Variants in SLC26A2 observed in about 807,000 individuals in gnomAD.
The protein encoded by SLC26A2 is solute carrier family 26 member 2, also known as sulfate transporter.
SLC26A2 carries 36 observed loss-of-function variants against 41.1 expected under a neutral mutation model. The ratio of observed to expected loss-of-function variants is 0.88; its 90% CI spans 0.67 to 1.16. The LOEUF (loss-of-function observed/expected upper bound fraction) is 1.16, where lower values mean the gene tolerates loss of function less well. Ranked by LOEUF, SLC26A2 falls within the 50% of genes most tolerant of loss-of-function variation. The pLI is 0.00. For missense variants in SLC26A2, 796 were observed against 869.6 expected (o/e 0.92, Z 1.07); for synonymous variants, 291 against 311.6 (o/e 0.93, Z 0.70).
At chr5:149,978,860 T>C (rs974355207) in intron 2 of SLC26A2, among the ~76,000 whole-genome samples, 1 of 151,624 alleles carries the variant, frequency 6.6e-6, no homozygotes, top group African/African-American at 2.4e-5. Flanking sequence ...GCTAATTTTA[T>C]TTTATTTTAT....
At position 149,981,808 on chromosome 5, in the gene SLC26A2, G is replaced by C; in HGVS notation, c.2215G>C (p.Asp739His). Residue 739 changes from aspartate (D) to histidine (H), a missense_variant, in exon 3 of 3, where the codon GAT (aspartate) becomes CAT (histidine). By Grantham distance (81) the Asp-to-His change is moderately conservative. Coordinates refer to ENST00000286298, the MANE Select transcript of SLC26A2 (RefSeq NM_000112.4). ...CVPNGLSLSS[D>H] ...TCCCAATGGTCTGAGTCTTAGTAGT[G>C]ATTAATTGAGAAGGTAGATAGAAGA... 6.2e-7 allele frequency: 1 copy of C among 1,605,364 alleles called. No homozygotes were observed. The highest frequency in any genetic ancestry group is 8.5e-7 in the Non-Finnish European group (1 of 1,173,236).
Position 149,981,144 on chromosome 5 carries a change from T to A in SLC26A2, c.1551T>A (p.Val517=), listed in dbSNP as rs368016373. 1 of 1,614,116 alleles carries A rather than the reference T, an allele frequency of 6.2e-7. No individual in the cohort carries two copies. Among genetic ancestry groups the A allele is most frequent in the African/African-American group, 1.3e-5 (1 of 74,956 alleles). The change falls in exon 3 of 3, where the codon GTT becomes GTA. Residue 517 remains valine (V), a synonymous_variant. Transcript: ENST00000286298. ...ISRMDTVIWF[V]TMLSSALLST... ...GAATGGATACAGTTATCTGGTTTGT[T>A]ACTATGCTGTCCTCTGCACTGCTAA...
chr5:149,976,394 T>C (rs775469867), intron 1 of SLC26A2, among the ~76,000 whole-genome samples: 1 of 151,888 alleles, frequency 6.6e-6, no homozygotes, highest in Non-Finnish European at 1.5e-5. Flanking sequence ...ACACAGAGGG[T>C]GTAGTATTTC....
chr5:149,976,170 A>G (rs2113694432), intron 1 of SLC26A2, among the ~76,000 whole-genome samples: 1 of 152,208 alleles, frequency 6.6e-6, no homozygotes, highest in South Asian at 2.1e-4. Context: ...AAAAAAAAAA[A>G]AAAATGTCTC....
At chr5:149,961,152 G>T (rs190421139) in intron 1 of SLC26A2, among the ~76,000 whole-genome samples, 173 bp downstream of exon 1, 1 of 152,232 alleles carries the variant, frequency 6.6e-6, no homozygotes, top group Non-Finnish European at 1.5e-5. Flanking sequence ...GGTGGTCCGG[G>T]GCCGGGCGAG....
intron 1 of SLC26A2, among the ~76,000 whole-genome samples, chr5:149,963,738 C>CTTTTTTTTTTTTTT: frequency 1.3e-5 from 1 of 78,266 alleles, no homozygotes; most frequent in Non-Finnish European, 2.2e-5. Context: ...ATTTGTTTAA[C>CTTTTTTTTTTTTTT]TTTTTTTTTT....
In SLC26A2 at chr5:149,981,740, T is replaced by C. The variant is rs760613033; in HGVS notation, c.2147T>C (p.Met716Thr). Reference sequence around the variant, plus strand: ...CTCTTCTATAGTGTGTATGAAGCGATGGCTTTTGCAGAAGTATCTAAAAAT... The same window carrying C: ...CTCTTCTATAGTGTGTATGAAGCGACGGCTTTTGCAGAAGTATCTAAAAAT... The part of the protein sequence containing the change: ...NLLFYSVYEA[M>T]AFAEVSKNQK... Residue 716 changes from methionine (M) to threonine (T), a missense_variant, in exon 3 of 3, where the codon ATG (methionine) becomes ACG (threonine). Met to Thr is a moderately conservative substitution (Grantham distance 81). Coordinates refer to ENST00000286298, the MANE Select transcript of SLC26A2 (RefSeq NM_000112.4). 15 of 1,611,342 alleles carry C rather than the reference T, an allele frequency of 9.3e-6. No individual in the cohort carries two copies. The highest frequency in any genetic ancestry group is 1.2e-5 in the Non-Finnish European group (14 of 1,179,280).
At position 149,977,686 on chromosome 5, in the gene SLC26A2, T is replaced by G; in HGVS notation, c.34T>G (p.Ser12Ala). The change falls in exon 2 of 3, where the codon TCA (serine) becomes GCA (alanine). Residue 12 changes from serine to alanine, a missense_variant. Physicochemically the swap from Ser to Ala is moderately conservative, Grantham distance 99 (BLOSUM62 1). Coordinates refer to ENST00000286298, the MANE Select transcript of SLC26A2 (RefSeq NM_000112.4). ...SSESKEQHNVSPRDSAEGNDS... is the reference protein window; with the variant it reads ...SSESKEQHNVAPRDSAEGNDS... ...AGAAAGTAAAGAGCAACATAACGTT[T>G]CACCCAGAGACTCAGCTGAAGGAAA... 1 of 1,614,076 alleles carries G rather than the reference T, an allele frequency of 6.2e-7. No homozygotes were observed. Among genetic ancestry groups the G allele is most frequent in the Non-Finnish European group, 8.5e-7 (1 of 1,179,946 alleles).
rs570424917 is a variant in SLC26A2 at position 149,967,311 on chromosome 5, A to G, written c.-26+6332A>G. ...TTTCAAAGGTACTCTCTCTATATAT[A>G]TACATAAAACTGTCACCACAATCAA... is the stretch of plus-strand genomic sequence containing the variant. On this transcript the variant is annotated intron_variant, in intron 1 of 2. Coordinates refer to ENST00000286298, the MANE Select transcript of SLC26A2 (RefSeq NM_000112.4). 2.6e-5 allele frequency among the ~76,000 whole-genome samples: 4 copies of G among 152,344 alleles called. No individual in the cohort carries two copies. In the East Asian group the frequency reaches 7.7e-4, roughly 29 times the overall value.
chr5:149,975,995 T>G (rs1754986420), intron 1 of SLC26A2, among the ~76,000 whole-genome samples: 1 of 151,970 alleles, frequency 6.6e-6, no homozygotes, highest in Non-Finnish European at 1.5e-5. Flanking sequence ...CTGTCTCTAC[T>G]AAAAATGCAA....
intron 1 of SLC26A2, among the ~76,000 whole-genome samples, chr5:149,974,697 A>G (rs1754962172): frequency 1.4e-5 from 2 of 147,322 alleles, no homozygotes; most frequent in South Asian, 4.3e-4. Flanking sequence ...TGTTGGAATT[A>G]CAGGTGTGAG....
chr5:149,965,479 CAA>C (rs55779255), intron 1 of SLC26A2, among the ~76,000 whole-genome samples: 10,450 of 62,622 alleles, frequency 0.17, 192 homozygotes, highest in Admixed American at 0.28. Context: ...GACTCTGTCT[CAA>C]AAAAAAAAAA....
chr5:149,972,821 T>C (rs1221683145), intron 1 of SLC26A2, among the ~76,000 whole-genome samples: 1 of 148,350 alleles, frequency 6.7e-6, no homozygotes, highest in Non-Finnish European at 1.5e-5. Context: ...TCTTACTGGC[T>C]GTCTTCGTTT....
In SLC26A2 at chr5:149,980,817, T is replaced by A; in HGVS notation, c.1224T>A (p.His408Gln). Reference sequence around the variant, plus strand: ...TTTCTGAGATGTTTGCCAAGAAACATGGTTACACAGTCAAAGCAAACCAGG... The same window carrying A: ...TTTCTGAGATGTTTGCCAAGAAACAAGGTTACACAGTCAAAGCAAACCAGG... ...VSLSEMFAKK[H>Q]GYTVKANQEM... The change falls in exon 3 of 3, where the codon CAT becomes CAA. Residue 408 changes from histidine (H) to glutamine (Q), a missense_variant. Transcript: ENST00000286298. 2 of 1,614,116 alleles carry A rather than the reference T, an allele frequency of 1.2e-6. No homozygotes were observed. Among genetic ancestry groups the A allele is most frequent in the East Asian group, 2.2e-5 (1 of 44,878 alleles).
chr5:149,977,899 G>A lies in SLC26A2; in HGVS notation c.247G>A (p.Ala83Thr). Residue 83 changes from alanine to threonine, a missense_variant, in exon 2 of 3, where the codon GCC (alanine) becomes ACC (threonine). Ala to Thr is a moderately conservative substitution (Grantham distance 58). Transcript: ENST00000286298. ...GCAGAAGAATTGCCAGTGCAGTCCA[G>A]CCAAAGCCAAAAATATGATTTTAGG... ...KLQKNCQCSP[A>T]KAKNMILGFL... The A allele has an allele frequency of 6.2e-7, 1 of 1,614,212 alleles. No homozygotes were observed. The highest frequency in any genetic ancestry group is 8.5e-7 in the Non-Finnish European group (1 of 1,180,038).
At chr5:149,966,602 G>A (rs1432534540) in intron 1 of SLC26A2, among the ~76,000 whole-genome samples, 1 of 144,374 alleles carries the variant, frequency 6.9e-6, no homozygotes, top group Non-Finnish European at 1.5e-5. Flanking sequence ...TCCAATTTCT[G>A]AATTTTTTTT....
rs760795343 is a variant in SLC26A2, at chr5:149,977,951, C to G, written c.299C>G (p.Pro100Arg). 18 of 1,614,056 alleles carry G rather than the reference C, an allele frequency of 1.1e-5. No individual in the cohort carries two copies. The highest frequency in any genetic ancestry group is 1.1e-4 in the South Asian group (10 of 91,088). ...TTCCTTCCTGTTTTGCAGTGGCTCC[C>G]AAAATACGACCTAAAGAAAAACATT... The part of the protein sequence containing the change: ...LGFLPVLQWL[P>R]KYDLKKNILG... Residue 100 changes from proline (P) to arginine (R), a missense_variant, in exon 2 of 3, where the codon CCA (proline) becomes CGA (arginine). Coordinates refer to ENST00000286298, the MANE Select transcript of SLC26A2 (RefSeq NM_000112.4).
At chr5:149,961,264 C>G (rs1754699937) in intron 1 of SLC26A2, among the ~76,000 whole-genome samples, 1 of 152,228 alleles carries the variant, frequency 6.6e-6, no homozygotes, top group African/African-American at 2.4e-5. Flanking sequence ...GTGCCACGCA[C>G]TCCGCTGCTT....
intron 1 of SLC26A2, among the ~76,000 whole-genome samples, chr5:149,965,479 C>CAA (rs55779255): frequency 0.023 from 1,431 of 61,956 alleles, 56 homozygotes; most frequent in African/African-American, 0.033. Flanking sequence ...GACTCTGTCT[C>CAA]AAAAAAAAAA....
Sources: allele counts gnomAD v4.1 joint callset (sites outside exome capture counted in the v4.1 genomes callset), GRCh38; gene constraint gnomAD v4.1.1; transcripts MANE v1.5; gene names NCBI Gene and HGNC (gene_info 2026-07-23, HGNC 2026-07-21).